Variants in SEMA3C observed in about 807,000 individuals in gnomAD.
The protein encoded by SEMA3C is semaphorin 3C.
SEMA3C carries 47 observed loss-of-function variants against 89.4 expected under a neutral mutation model. That is an observed-to-expected ratio of 0.53 (90% confidence interval 0.42 to 0.67). The LOEUF is 0.67. Ranked by LOEUF, SEMA3C falls within the 30% of genes least tolerant of loss-of-function variation. SEMA3C has a pLI of 0.00. For missense variants in SEMA3C, 839 were observed against 929.1 expected (o/e 0.90, Z 1.26); for synonymous variants, 310 against 320.2 (o/e 0.97, Z 0.34).
At chr7:80,846,498 G>A (rs1020797328) in intron 2 of SEMA3C, among the ~76,000 whole-genome samples, 2 of 151,974 alleles carry the variant, frequency 1.3e-5, no homozygotes, top group African/African-American at 2.4e-5. Context: ...CTAGGACTAC[G>A]GGCACACAAC....
chr7:80,768,945 A>G (rs1040980462), intron 12 of SEMA3C, among the ~76,000 whole-genome samples: 1 of 152,124 alleles, frequency 6.6e-6, no homozygotes, highest in Non-Finnish European at 1.5e-5. Flanking sequence ...CATAGAAAGC[A>G]TTTTTTTAAC....
rs1199151836 is a variant in SEMA3C, at chr7:80,751,516, AG to A, written c.1644-181del. Among the ~76,000 whole-genome samples the A allele has an allele frequency of 4.0e-5, 5 of 126,132 alleles. No individual in the cohort carries two copies. In the South Asian group the frequency reaches 1.0e-3, roughly 26 times the overall value. 82.7% of individuals were successfully genotyped at this position (126,132 alleles called of 152,430 possible). ...TTTCTTATACAATTTATCAATAATG[AG>A]GGGGGGTACTTATCTTTGCTTTTCA... On this transcript the variant is annotated intron_variant, in intron 15 of 17. Transcript: ENST00000265361.
At chr7:80,861,562 C>T (rs1790771607) in intron 2 of SEMA3C, among the ~76,000 whole-genome samples, 1 of 152,152 alleles carries the variant, frequency 6.6e-6, no homozygotes, top group African/African-American at 2.4e-5. Context: ...AAACTGAGCA[C>T]TGTTCACACA....
At chr7:80,784,163 C>A (rs1788750149) in intron 12 of SEMA3C, among the ~76,000 whole-genome samples, 1 of 151,976 alleles carries the variant, frequency 6.6e-6, no homozygotes. Flanking sequence ...GTTACACAGT[C>A]TGCTTTGAAC....
At chr7:80,777,854 T>C (rs916724724) in intron 12 of SEMA3C, among the ~76,000 whole-genome samples, 4 of 152,220 alleles carry the variant, frequency 2.6e-5, no homozygotes, top group African/African-American at 9.6e-5. Flanking sequence ...AGAAATTGTA[T>C]AATGAGTGAC....
intron 4 of SEMA3C, 36 bp downstream of exon 4, chr7:80,827,389 A>AGT (rs759493406): frequency 2.7e-6 from 3 of 1,111,648 alleles, no homozygotes; most frequent in Non-Finnish European, 3.7e-6. Flanking sequence ...TATTTAAGTT[A>AGT]GTGTTTTTTT....
At chr7:80,793,517 C>G (rs2115611193) in intron 11 of SEMA3C, 1 of 434,008 alleles carries the variant, frequency 2.3e-6, no homozygotes, top group South Asian at 1.7e-5. Context: ...TAGACATATT[C>G]AAAGCAAAAT....
At chr7:80,840,443 T>C (rs1033424284) in intron 2 of SEMA3C, among the ~76,000 whole-genome samples, 4 of 139,772 alleles carry the variant, frequency 2.9e-5, no homozygotes, top group African/African-American at 1.1e-4. Flanking sequence ...CACTTGAGCA[T>C]GGGAGGTAGA....
At chr7:80,765,897 T>C (rs906813472) in intron 12 of SEMA3C, among the ~76,000 whole-genome samples, 1 of 152,104 alleles carries the variant, frequency 6.6e-6, no homozygotes, top group African/African-American at 2.4e-5. Context: ...AAGTTTAAGT[T>C]TGATCATTAA....
chr7:80,857,733 T>C (rs1790674305), intron 2 of SEMA3C, among the ~76,000 whole-genome samples: 1 of 152,114 alleles, frequency 6.6e-6, no homozygotes, highest in African/African-American at 2.4e-5. Flanking sequence ...TTGGGGAAAA[T>C]AGTTTGATCA....
rs571451962 is a variant in SEMA3C, at chr7:80,919,035, A to T, written c.-246T>A. On this transcript the variant is annotated 5_prime_UTR_variant, in exon 1 of 18. In the 5' UTR this introduces an upstream ATG that the reference lacks. Coordinates refer to ENST00000265361, the MANE Select transcript of SEMA3C (RefSeq NM_006379.5). ...CCGGAGCTCTTCTCCGCGTCGCTCAATCAAGCACCTCGGAGTGAATGGAAA... is the reference window on the plus strand; with the variant it reads ...CCGGAGCTCTTCTCCGCGTCGCTCATTCAAGCACCTCGGAGTGAATGGAAA... 3 of 985,138 alleles carry T rather than the reference A, an allele frequency of 3.0e-6. No individual in the cohort carries two copies. The highest frequency in any genetic ancestry group is 3.6e-6 in the Non-Finnish European group (3 of 829,868). The allele number at this position is 985,138 out of a possible 1,614,324, so 61.0% of individuals were successfully genotyped here.
chr7:80,791,236 G>T (rs1418736826), intron 11 of SEMA3C, among the ~76,000 whole-genome samples: 2 of 152,048 alleles, frequency 1.3e-5, no homozygotes, highest in African/African-American at 4.8e-5. Context: ...AGGGTAGGCT[G>T]GGAACTGCTG....
At position 80,742,952 on chromosome 7, in the gene SEMA3C, T is replaced by C. The variant is rs543509227; in HGVS notation, c.*1942A>G. 9 of 152,070 alleles carry C rather than the reference T, an allele frequency of 5.9e-5. No individual in the cohort carries two copies. The highest frequency in any genetic ancestry group is 5.2e-4 in the Admixed American group (8 of 15,274). 9.4% of individuals were successfully genotyped at this position (152,070 alleles called of 1,614,324 possible). A position where few individuals can be genotyped will look rare whatever the true frequency, so the allele number is the denominator to read the frequency against. On this transcript the variant is annotated 3_prime_UTR_variant, in exon 18 of 18. Coordinates refer to ENST00000265361, the MANE Select transcript of SEMA3C (RefSeq NM_006379.5). ...TAGAAAGAATTAAATAGCACAAATA[T>C]AGTATAAAACTAAACACCGTTACTG...
intron 15 of SEMA3C, among the ~76,000 whole-genome samples, chr7:80,756,100 A>G (rs146321408): frequency 2.3e-4 from 35 of 152,202 alleles, no homozygotes; most frequent in African/African-American, 7.7e-4. Flanking sequence ...CTAACTGCCT[A>G]CTCAATATCC....
intron 2 of SEMA3C, among the ~76,000 whole-genome samples, chr7:80,870,368 G>A (rs1384713766): frequency 6.6e-6 from 1 of 152,158 alleles, no homozygotes; most frequent in Admixed American, 6.5e-5. Flanking sequence ...ACATCCATTT[G>A]TTAAACAGAT....
At chr7:80,749,588 T>C (rs1231418343) in intron 16 of SEMA3C, among the ~76,000 whole-genome samples, 2 of 152,228 alleles carry the variant, frequency 1.3e-5, no homozygotes, top group African/African-American at 4.8e-5. Context: ...GGCAAAATCC[T>C]GACCTTACTA....
At chr7:80,754,576 T>G (rs942616117) in intron 15 of SEMA3C, among the ~76,000 whole-genome samples, 1 of 152,208 alleles carries the variant, frequency 6.6e-6, no homozygotes, top group Admixed American at 6.5e-5. Context: ...TGTTTTGTAT[T>G]TACTATAAAT....
chr7:80,910,123 T>G (rs988769390), intron 2 of SEMA3C, among the ~76,000 whole-genome samples: 3 of 152,198 alleles, frequency 2.0e-5, no homozygotes, highest in Non-Finnish European at 4.4e-5. Flanking sequence ...TTTTCTCTTC[T>G]TATACCATTT....
At chr7:80,803,602 A>G (rs1789264346) in intron 8 of SEMA3C, among the ~76,000 whole-genome samples, 1 of 152,190 alleles carries the variant, frequency 6.6e-6, no homozygotes, top group Admixed American at 6.6e-5. Context: ...TTTCTACACA[A>G]GAGCATTTTG....
Sources: gnomAD v4.1 joint callset for allele counts (sites outside exome capture counted in the v4.1 genomes callset) on GRCh38, gnomAD v4.1.1 for gene constraint, MANE v1.5 for transcripts, NCBI Gene and HGNC (gene_info 2026-07-23, HGNC 2026-07-21) for gene names.